MAN1C1: variants seen among roughly 807,000 people sequenced by gnomAD.
MAN1C1 encodes the protein mannosidase alpha class 1C member 1.
A neutral mutation model predicts 71.5 loss-of-function variants in MAN1C1; 49 were observed. The observed-to-expected ratio is 0.69, with a 90% CI of 0.54 to 0.87. The LOEUF (loss-of-function observed/expected upper bound fraction) is 0.87. Ranked by LOEUF, MAN1C1 falls within the 40% of genes least tolerant of loss-of-function variation. MAN1C1 has a pLI of 0.00. For missense variants in MAN1C1, 743 were observed against 835.0 expected (o/e 0.89, Z 1.36); for synonymous variants, 352 against 343.7 (o/e 1.02, Z -0.27).
chr1:25,703,537 C>A (rs1049360797), intron 2 of MAN1C1, among the ~76,000 whole-genome samples: 2 of 152,110 alleles, frequency 1.3e-5, no homozygotes, highest in African/African-American at 4.8e-5. Context: ...CAAAATTAGC[C>A]AGGTGTGGTG....
At chr1:25,708,529 G>T (rs538041505) in intron 2 of MAN1C1, among the ~76,000 whole-genome samples, 2 of 152,202 alleles carry the variant, frequency 1.3e-5, no homozygotes, top group East Asian at 3.9e-4. Flanking sequence ...GACTAAGAAT[G>T]CCTAACCTCC....
intron 1 of MAN1C1, among the ~76,000 whole-genome samples, chr1:25,644,375 G>T (rs532429575): frequency 6.6e-6 from 1 of 151,416 alleles, no homozygotes; most frequent in East Asian, 1.9e-4. Flanking sequence ...CATCTTGGAA[G>T]GGGGAGAGGA....
At chr1:25,743,639 T>A (rs2047089946) in intron 2 of MAN1C1, among the ~76,000 whole-genome samples, 1 of 152,114 alleles carries the variant, frequency 6.6e-6, no homozygotes, top group Non-Finnish European at 1.5e-5. Context: ...CCAACAAATC[T>A]CTTAGCAAGC....
chr1:25,754,129 G>A (rs2047253516), intron 5 of MAN1C1, among the ~76,000 whole-genome samples: 1 of 152,160 alleles, frequency 6.6e-6, no homozygotes, highest in Non-Finnish European at 1.5e-5. Flanking sequence ...GCTTCATGGA[G>A]CTACTTAGTA....
rs933924026 is a variant in MAN1C1, at chr1:25,779,658, A to T, written c.1478-1282A>T. Among the ~76,000 whole-genome samples, 2 of 152,038 alleles carry T rather than the reference A, an allele frequency of 1.3e-5. No homozygotes were observed. Among genetic ancestry groups the T allele is most frequent in the Non-Finnish European group, 1.5e-5 (1 of 68,008 alleles). Reference sequence around the variant, plus strand: ...GGCTTGTCCTGTGGACGCCTGTAGCAGTGGCTCCTGCCTTCACCCCACTAG... The same window carrying T: ...GGCTTGTCCTGTGGACGCCTGTAGCTGTGGCTCCTGCCTTCACCCCACTAG... On this transcript the variant is annotated intron_variant, in intron 9 of 11. Coordinates refer to ENST00000374332, the MANE Select transcript of MAN1C1 (RefSeq NM_020379.4). The surrounding 1 kb of genome is among the most constrained non-coding windows in gnomAD (Gnocchi z 4.6).
At chr1:25,655,335 T>C (rs1188254733) in intron 1 of MAN1C1, among the ~76,000 whole-genome samples, 2 of 152,200 alleles carry the variant, frequency 1.3e-5, no homozygotes, top group East Asian at 3.8e-4. Flanking sequence ...CCAACACTGC[T>C]CTTCCAGGGT....
At chr1:25,766,199 G>T (rs2047424025) in intron 7 of MAN1C1, among the ~76,000 whole-genome samples, 1 of 152,126 alleles carries the variant, frequency 6.6e-6, no homozygotes. Flanking sequence ...GTCGCATATG[G>T]GAAATTGTTT....
chr1:25,717,559 C>T (rs1383333538), intron 2 of MAN1C1, among the ~76,000 whole-genome samples: 1 of 150,710 alleles, frequency 6.6e-6, no homozygotes, highest in Non-Finnish European at 1.5e-5. Flanking sequence ...TTTTTCAAAG[C>T]AGATGTACCA....
chr1:25,771,521 G>C, intron 7 of MAN1C1, 136 bp from the exon 8 acceptor site: 1 of 648,780 alleles, frequency 1.5e-6, no homozygotes, highest in Non-Finnish European at 2.7e-6. Context: ...TTCCAGGTTC[G>C]GTGGCTGCTG....
intron 1 of MAN1C1, among the ~76,000 whole-genome samples, chr1:25,658,440 A>G (rs992684446): frequency 8.5e-5 from 13 of 152,114 alleles, no homozygotes; most frequent in African/African-American, 3.1e-4. Flanking sequence ...AAGGAGACAC[A>G]TCCAAACTTG....
Sources: allele counts gnomAD v4.1 joint callset (sites outside exome capture counted in the v4.1 genomes callset), GRCh38; gene constraint gnomAD v4.1.1; non-coding constraint Gnocchi (gnomAD v3.1); transcripts MANE v1.5; gene names NCBI Gene and HGNC (gene_info 2026-07-23, HGNC 2026-07-21).